RINT1: variants seen among roughly 807,000 people sequenced by gnomAD.
RINT1 encodes RAD50-interacting protein 1.
RINT1 carries 75 observed loss-of-function variants against 97.7 expected under a neutral mutation model. The observed-to-expected ratio is 0.77, with a 90% confidence interval of 0.64 to 0.93. RINT1 has a LOEUF of 0.93. RINT1 is among the 40% of genes least tolerant of loss of function. The pLI, the probability that RINT1 is intolerant of heterozygous loss-of-function variation, is 0.00. For missense variants in RINT1, 892 were observed against 925.2 expected, an observed-to-expected ratio of 0.96 and a Z score of 0.47; for synonymous variants, 303 against 326.3, an observed-to-expected ratio of 0.93 and a Z score of 0.77.
chr7:105,543,572 C>G (rs1052088960), intron 4 of RINT1, among the ~76,000 whole-genome samples: 7 of 152,128 alleles, frequency 4.6e-5, no homozygotes, highest in Non-Finnish European at 8.8e-5. Flanking sequence ...ACTATCCTTG[C>G]ATTGTTTTAA....
rs779952771 is a variant in RINT1, at chr7:105,532,844, C to T, written c.63C>T (p.Asp21=). The T allele has an allele frequency of 1.9e-6, 3 of 1,614,108 alleles. No individual in the cohort carries two copies. Among genetic ancestry groups the T allele is most frequent in the South Asian group, 1.1e-5 (1 of 91,076 alleles). Residue 21 remains aspartate, a synonymous_variant, in exon 2 of 15, where the codon GAC becomes GAT. Transcript: ENST00000257700. ...PAAPCCSESG[D]ERKNLEEKSD... ...TCTAGTGCTGCTCTGAAAGTGGTGA[C>T]GAAAGGAAGAACCTCGAGGAGAAAA... is the stretch of plus-strand genomic sequence containing the variant.
At chr7:105,537,447 A>G (rs1390522495) in intron 3 of RINT1, among the ~76,000 whole-genome samples, 1 of 151,968 alleles carries the variant, frequency 6.6e-6, no homozygotes, top group Non-Finnish European at 1.5e-5. Context: ...AGATTTTAAT[A>G]AATGTACCCA....
chr7:105,536,695 A>T lies in RINT1; in HGVS notation c.219A>T (p.Lys73Asn), dbSNP rs987417898. The T allele has an allele frequency of 1.2e-6, 2 of 1,612,672 alleles. No individual in the cohort carries two copies. The highest frequency in any genetic ancestry group is 8.5e-7 in the Non-Finnish European group (1 of 1,179,368). Residue 73 changes from lysine (K) to asparagine (N), a missense_variant, in exon 3 of 15, where the codon AAA becomes AAT. Transcript: ENST00000257700. ...EVGNDLKSLK[K>N]LDKLIEQRTV... ...GAAATGACCTTAAATCTTTAAAGAA[A>T]CTTGATAAACTCATAGAACAGAGGA...
At position 105,555,040 on chromosome 7, in the gene RINT1, A is replaced by G. The variant is rs1791115440; in HGVS notation, c.1484A>G (p.Asn495Ser). Residue 495 changes from asparagine to serine, a missense_variant, in exon 11 of 15, where the codon AAT becomes AGT. Transcript: ENST00000257700. ...ACTTTTTCCACAGACAGGTATAAAA[A>G]TCTTCCCACAGCTTCCCGAAAGCTT... ...LLLVITDRYK[N>S]LPTASRKLQF... 2 of 1,613,682 alleles carry G rather than the reference A, an allele frequency of 1.2e-6. No individual in the cohort carries two copies. Among genetic ancestry groups the G allele is most frequent in the African/African-American group, 1.3e-5 (1 of 75,000 alleles).
In RINT1 at chr7:105,565,317, TC is replaced by T. The variant is rs1791661066; in HGVS notation, c.1930del (p.Leu644CysfsTer10). On this transcript the variant is annotated frameshift_variant, in exon 13 of 15. Transcript: ENST00000257700. LOFTEE classifies it high-confidence loss of function. ...ATCTCAGTCAGAGCAGGCAGTGATG[TC>T]CCTGTCCAGTTCGGCTTGCCCGTTG... ...LPSQSEQAVMSLSSSACPLLL... is the reference protein window; with the variant it reads ...LPSQSEQAVMXLSSSACPLLL... 1 of 1,614,092 alleles carries T rather than the reference TC, an allele frequency of 6.2e-7. No individual in the cohort carries two copies. Among genetic ancestry groups the T allele is most frequent in the African/African-American group, 1.3e-5 (1 of 74,956 alleles).
chr7:105,535,257 T>A (rs981669638), intron 2 of RINT1, among the ~76,000 whole-genome samples: 4 of 143,534 alleles, frequency 2.8e-5, no homozygotes, highest in African/African-American at 7.9e-5. Context: ...TGAGGCAGAG[T>A]CTCACTCTGT....
chr7:105,533,443 A>C (rs1170641246), intron 2 of RINT1, among the ~76,000 whole-genome samples: 1 of 152,150 alleles, frequency 6.6e-6, no homozygotes, highest in African/African-American at 2.4e-5. Flanking sequence ...TTGCCATTTT[A>C]CTTTGATGGC....
At position 105,546,917 on chromosome 7, in the gene RINT1, A is replaced by G; in HGVS notation, c.523A>G (p.Ile175Val). The G allele has an allele frequency of 6.3e-7, 1 of 1,599,336 alleles. No individual in the cohort carries two copies. Among genetic ancestry groups the G allele is most frequent in the Non-Finnish European group, 8.5e-7 (1 of 1,175,956 alleles). The change falls in exon 5 of 15, where the codon ATT (isoleucine) becomes GTT (valine). Residue 175 changes from isoleucine to valine, a missense_variant. By Grantham distance (29) the Ile-to-Val change is conservative. Coordinates refer to ENST00000257700, the MANE Select transcript of RINT1 (RefSeq NM_021930.6). ...GCTTTACTTTGTTTACAGTGATAAC[A>G]TTCAGCAATATCTGATGACCAATAA... ...ISQIEELSDN[I>V]QQYLMTNNVP...
At chr7:105,543,030 G>A (rs553236547) in intron 4 of RINT1, among the ~76,000 whole-genome samples, 1 of 151,516 alleles carries the variant, frequency 6.6e-6, no homozygotes, top group African/African-American at 2.4e-5. Flanking sequence ...GACTACAGGC[G>A]CCCGCCACCA....
chr7:105,543,963 G>T (rs554031671), intron 4 of RINT1, among the ~76,000 whole-genome samples: 1 of 151,892 alleles, frequency 6.6e-6, no homozygotes, highest in East Asian at 1.9e-4. Flanking sequence ...AGCCAGGCAT[G>T]GTGGCGCGTG....
chr7:105,549,640 C>G (rs1397315047), intron 7 of RINT1, among the ~76,000 whole-genome samples: 1 of 152,112 alleles, frequency 6.6e-6, no homozygotes. Flanking sequence ...TGAGCTGCCA[C>G]GCCTGGCCAG....
chr7:105,561,215 TA>T lies in RINT1; in HGVS notation c.1672-2512del, dbSNP rs538210770. ...TTAAATGCTTGTTGATAGTGTCGTT[TA>T]AAAAATATTTTTAATTTTATTTAGA... On this transcript the variant is annotated intron_variant, in intron 11 of 14. Coordinates refer to ENST00000257700, the MANE Select transcript of RINT1 (RefSeq NM_021930.6). Among the ~76,000 whole-genome samples the T allele has an allele frequency of 7.9e-4, 121 of 152,256 alleles. 3 individuals carry two copies. The highest frequency in any genetic ancestry group is 7.5e-3 in the Admixed American group (114 of 15,282).
chr7:105,556,710 T>TATTATTAAGTTA lies in RINT1; in HGVS notation c.1671+1484_1671+1485insTTATTAAGTTAA, dbSNP rs537023982. On this transcript the variant is annotated intron_variant, in intron 11 of 14. Transcript: ENST00000257700. ...TCTGACAAGATTTGATCTGCCTAAT[T>TATTATTAAGTTA]AAGTTAACCTACTGACAGACTTGAT... Among the ~76,000 whole-genome samples the TATTATTAAGTTA allele has an allele frequency of 1.6e-4, 25 of 151,832 alleles. No individual in the cohort carries two copies. In the East Asian group the frequency reaches 4.4e-3, roughly 27 times the overall value.
At chr7:105,558,222 G>C (rs1471530163) in intron 11 of RINT1, among the ~76,000 whole-genome samples, 1 of 151,138 alleles carries the variant, frequency 6.6e-6, no homozygotes, top group East Asian at 1.9e-4. Flanking sequence ...TTGAACCCAG[G>C]AGGCAGAGGT....
chr7:105,564,982 C>A, intron 12 of RINT1: 1 of 230,634 alleles, frequency 4.3e-6, no homozygotes, highest in Admixed American at 5.3e-5. Context: ...AGAAAAACTA[C>A]ATAAATAAAA....
In RINT1 at chr7:105,532,327, C is replaced by G; in HGVS notation, c.12C>G (p.Ala4=). Residue 4 remains alanine, a synonymous_variant, in exon 1 of 15, where the codon GCC becomes GCG. Transcript: ENST00000257700. MLP[A]GEIGASPAAP... ...CGCGCGGAGGCGAGATGCTACCAGC[C>G]GGCGAGATCGGCGCCTCTCCTGCAG... is the stretch of plus-strand genomic sequence containing the variant. 1 of 1,594,836 alleles carries G rather than the reference C, an allele frequency of 6.3e-7. No homozygotes were observed. Among genetic ancestry groups the G allele is most frequent in the Non-Finnish European group, 8.5e-7 (1 of 1,172,958 alleles).
At chr7:105,560,194 G>C (rs1431518034) in intron 11 of RINT1, among the ~76,000 whole-genome samples, 1 of 152,176 alleles carries the variant, frequency 6.6e-6, no homozygotes, top group Non-Finnish European at 1.5e-5. Flanking sequence ...GAAGAGTGCT[G>C]CTTCTCTGAT....
chr7:105,546,029 A>G (rs893055464), intron 4 of RINT1, among the ~76,000 whole-genome samples: 1 of 151,016 alleles, frequency 6.6e-6, no homozygotes, highest in African/African-American at 2.4e-5. Flanking sequence ...GCGTTTCACC[A>G]AGTTGGCCAG....
At position 105,550,261 on chromosome 7, in the gene RINT1, C is replaced by A. The variant is rs1172742902; in HGVS notation, c.1108C>A (p.Leu370Ile). The A allele has an allele frequency of 9.9e-6, 16 of 1,613,330 alleles. No homozygotes were observed. Among genetic ancestry groups the A allele is most frequent in the Non-Finnish European group, 1.4e-5 (16 of 1,179,668 alleles). Residue 370 changes from leucine to isoleucine, a missense_variant and splice_region_variant, in exon 9 of 15, where the codon CTT becomes ATT. By Grantham distance (5) the Leu-to-Ile change is conservative (BLOSUM62 2). Transcript: ENST00000257700. Reference sequence around the variant, plus strand: ...ACCTCATGTTTGTGTATTTTTTTAGCTTGAATTTTCTCGGGGCCTTATGAT... The same window carrying A: ...ACCTCATGTTTGTGTATTTTTTTAGATTGAATTTTCTCGGGGCCTTATGAT... ...DKVGSLVNAR[L>I]EFSRGLMMLV...
Sources: gnomAD v4.1 joint callset for allele counts (sites outside exome capture counted in the v4.1 genomes callset) on GRCh38, gnomAD v4.1.1 for gene constraint, MANE v1.5 for transcripts, NCBI Gene and HGNC (gene_info 2026-07-23, HGNC 2026-07-21) for gene names.